Variants in ROCK2 observed in about 807,000 individuals in gnomAD.
ROCK2 encodes the protein Rho associated coiled-coil containing protein kinase 2.
In ROCK2, 61 loss-of-function variants were observed where a neutral mutation model predicts 195.1. The observed-to-expected ratio is 0.31, with a 90% CI of 0.25 to 0.39. The LOEUF (loss-of-function observed/expected upper bound fraction) is 0.39. Among genes scored for constraint, ROCK2 ranks in the 10% least tolerant of loss-of-function variants. The pLI is 1.00. For synonymous variants in ROCK2, 504 were observed against 545.5 expected (o/e 0.92, Z 1.06); for missense variants, 1,109 against 1,637.4 (o/e 0.68, Z 5.57).
chr2:11,257,138 G>C (rs1055423397), intron 3 of ROCK2, among the ~76,000 whole-genome samples: 6 of 151,590 alleles, frequency 4.0e-5, no homozygotes, highest in South Asian at 4.1e-4. Flanking sequence ...TTTGAAATTT[G>C]GGAGGTTAGC....
At chr2:11,283,743 A>T (rs1438618073) in intron 3 of ROCK2, among the ~76,000 whole-genome samples, 1 of 152,242 alleles carries the variant, frequency 6.6e-6, no homozygotes, top group African/African-American at 2.4e-5. Context: ...TTTGTCAGTT[A>T]TAACAGCGAC....
intron 1 of ROCK2, chr2:11,308,830 A>C (rs1240100128): frequency 1.9e-6 from 3 of 1,611,650 alleles, no homozygotes; most frequent in Non-Finnish European, 2.5e-6. Flanking sequence ...AACTTGGGCC[A>C]AATGTAATAG....
In ROCK2 at chr2:11,207,815, T is replaced by G. The variant is rs55931955; in HGVS notation, c.2460A>C (p.Leu820=). 1.3e-3 allele frequency: 2,072 copies of G among 1,612,994 alleles called. 24 individuals carry two copies. In the African/African-American group the frequency reaches 0.025, roughly 19 times the overall value. ...GCTTTAACTGCTTTTCTGACATTTTTAGTGTGTTAACCTGTTGTGTTTGCA... is the reference window on the plus strand; with the variant it reads ...GCTTTAACTGCTTTTCTGACATTTTGAGTGTGTTAACCTGTTGTGTTTGCA... ...LKMQTQQVNT[L]KMSEKQLKQE... is the part of the protein sequence containing the mutation. Residue 820 remains leucine (L), a synonymous_variant, in exon 20 of 33, where the codon CTA becomes CTC. Coordinates refer to ENST00000315872, the MANE Select transcript of ROCK2 (RefSeq NM_004850.5).
At chr2:11,215,164 A>G (rs1186868657) in intron 15 of ROCK2, 78 bp from the exon 16 acceptor site, 1 of 1,539,570 alleles carries the variant, frequency 6.5e-7, no homozygotes. Context: ...GTATTCCCCC[A>G]TTAGAAACTA....
At chr2:11,313,215 G>C (rs889892831) in intron 1 of ROCK2, among the ~76,000 whole-genome samples, 1 of 151,972 alleles carries the variant, frequency 6.6e-6, no homozygotes, top group Non-Finnish European at 1.5e-5. Flanking sequence ...GAAACGGAAG[G>C]GGATGGAGTA....
chr2:11,219,116 AAC>A, intron 9 of ROCK2, 90 bp from the exon 10 acceptor site: 1 of 623,780 alleles, frequency 1.6e-6, no homozygotes, highest in Non-Finnish European at 2.7e-6. Flanking sequence ...TTAAATATCA[AAC>A]ACAGATTTCT....
At chr2:11,301,940 G>T (rs1162895212) in intron 1 of ROCK2, among the ~76,000 whole-genome samples, 1 of 151,902 alleles carries the variant, frequency 6.6e-6, no homozygotes, top group Non-Finnish European at 1.5e-5. Context: ...CAACTAGCTG[G>T]GATTACAGGC....
chr2:11,339,407 A>G (rs189399690), intron 1 of ROCK2, among the ~76,000 whole-genome samples: 2 of 152,258 alleles, frequency 1.3e-5, no homozygotes, highest in Admixed American at 1.3e-4. Flanking sequence ...TATCCATTAT[A>G]TTAAGTTGAC....
intron 1 of ROCK2, among the ~76,000 whole-genome samples, chr2:11,324,549 A>T (rs771167324): frequency 2.0e-5 from 3 of 152,268 alleles, no homozygotes; most frequent in Admixed American, 1.3e-4. Flanking sequence ...TCAGTGGGTG[A>T]GTGGGTACAG....
chr2:11,197,159 G>C lies in ROCK2; in HGVS notation c.3448+21C>G, dbSNP rs757034626. Reference sequence around the variant, plus strand: ...TGATTTATATTTAAGATAAATATTAGTGCTGAAAACAAATCCATACCTGGA... The same window carrying C: ...TGATTTATATTTAAGATAAATATTACTGCTGAAAACAAATCCATACCTGGA... On this transcript the variant is annotated intron_variant, in intron 27 of 32. Coordinates refer to ENST00000315872, the MANE Select transcript of ROCK2 (RefSeq NM_004850.5). The surrounding 1 kb of genome is among the most constrained non-coding windows in gnomAD (Gnocchi z 4.9). The C allele has an allele frequency of 6.4e-7, 1 of 1,555,574 alleles. No individual in the cohort carries two copies. The highest frequency in any genetic ancestry group is 2.0e-5 in the Admixed American group (1 of 50,910).
chr2:11,327,077 T>C (rs972161171), intron 1 of ROCK2, among the ~76,000 whole-genome samples: 4 of 152,224 alleles, frequency 2.6e-5, no homozygotes, highest in Non-Finnish European at 4.4e-5. Flanking sequence ...TTGTGTGTGA[T>C]TTTTATCCAT....
At chr2:11,260,448 CAAAAAAAAA>C (rs35308782) in intron 3 of ROCK2, among the ~76,000 whole-genome samples, 1 of 91,526 alleles carries the variant, frequency 1.1e-5, no homozygotes, top group Non-Finnish European at 2.0e-5. Flanking sequence ...ACTCTGTCTC[CAAAAAAAAA>C]AAAAAAAAAA....
intron 3 of ROCK2, among the ~76,000 whole-genome samples, chr2:11,257,753 A>T (rs376294536): frequency 6.6e-6 from 1 of 151,338 alleles, no homozygotes; most frequent in Non-Finnish European, 1.5e-5. Context: ...GGAGATAGGT[A>T]CTTTAGGAGA....
At chr2:11,275,875 T>G (rs980951923) in intron 3 of ROCK2, among the ~76,000 whole-genome samples, 1 of 152,052 alleles carries the variant, frequency 6.6e-6, no homozygotes, top group Non-Finnish European at 1.5e-5. Context: ...AATTTTTGTA[T>G]TTTTAGAAGA....
At chr2:11,293,153 G>C (rs1230348937) in intron 1 of ROCK2, among the ~76,000 whole-genome samples, 1 of 152,162 alleles carries the variant, frequency 6.6e-6, no homozygotes, top group African/African-American at 2.4e-5. Context: ...AGATAATAAA[G>C]TAAAGGAAGT....
chr2:11,192,973 A>G lies in ROCK2; in HGVS notation c.3688-261T>C, dbSNP rs1282568147. ...GCTGCCTCCTTATTTTCTTTATAAC[A>G]CCCATGCTTTAGCAGCACTATCAGA... is the stretch of plus-strand genomic sequence containing the variant. On this transcript the variant is annotated intron_variant, in intron 30 of 32. Transcript: ENST00000315872. This position sits in a 1 kb window ranked among gnomAD's most constrained non-coding sequence, Gnocchi z 5.0. Among the ~76,000 whole-genome samples the G allele has an allele frequency of 1.3e-5, 2 of 152,146 alleles. No individual in the cohort carries two copies. Among genetic ancestry groups the G allele is most frequent in the Non-Finnish European group, 2.9e-5 (2 of 68,028 alleles).
rs1017662270 is a variant in ROCK2, at chr2:11,245,011, C to G, written c.462+4650G>C. ...TGCACATAGATGCAAAACTACTTAACAAAATATTAGTAAATCAAATTCAGT... is the reference window on the plus strand; with the variant it reads ...TGCACATAGATGCAAAACTACTTAAGAAAATATTAGTAAATCAAATTCAGT... On this transcript the variant is annotated intron_variant, in intron 4 of 32. Transcript: ENST00000315872. Among the ~76,000 whole-genome samples, 6 of 151,682 alleles carry G rather than the reference C, an allele frequency of 4.0e-5. No individual in the cohort carries two copies. The East Asian group carries it at 1.2e-3, about 29-fold the overall frequency.
intron 20 of ROCK2, among the ~76,000 whole-genome samples, chr2:11,205,393 G>C (rs1219193912): frequency 6.6e-6 from 1 of 152,046 alleles, no homozygotes; most frequent in African/African-American, 2.4e-5. Flanking sequence ...CAGTCACAAG[G>C]CTTCCATCTA....
intron 20 of ROCK2, among the ~76,000 whole-genome samples, chr2:11,205,740 C>T (rs1439757827): frequency 6.6e-6 from 1 of 151,996 alleles, no homozygotes; most frequent in Non-Finnish European, 1.5e-5. Flanking sequence ...GTAACTACTA[C>T]AATGCCTTAC....
Sources: gnomAD v4.1 joint callset for allele counts (sites outside exome capture counted in the v4.1 genomes callset) on GRCh38, gnomAD v4.1.1 for gene constraint, Gnocchi (gnomAD v3.1) non-coding constraint, MANE v1.5 for transcripts, NCBI Gene and HGNC (gene_info 2026-07-23, HGNC 2026-07-21) for gene names.